Variants in ICA1 observed in about 807,000 individuals in gnomAD.
ICA1 encodes islet cell autoantigen 1, also known as 69 kDa islet cell autoantigen.
Under a neutral mutation model 71.0 loss-of-function variants are expected in ICA1, and 40 were observed. The ratio of observed to expected loss-of-function variants is 0.56; its 90% CI spans 0.44 to 0.73. The LOEUF is 0.73. Ranked by LOEUF, ICA1 falls within the 30% of genes least tolerant of loss-of-function variation. The pLI is 0.00. For missense variants in ICA1, 578 were observed against 576.5 expected (o/e 1.00, Z -0.03); for synonymous variants, 207 against 209.5 (o/e 0.99, Z 0.10).
At chr7:8,135,130 G>A (rs993844767) in intron 12 of ICA1, among the ~76,000 whole-genome samples, 3 of 152,038 alleles carry the variant, frequency 2.0e-5, no homozygotes, top group African/African-American at 4.8e-5. Flanking sequence ...GGGTTCAAGC[G>A]ATTCTTCTGC....
At chr7:8,214,619 G>A (rs964782453) in intron 6 of ICA1, among the ~76,000 whole-genome samples, 1 of 152,174 alleles carries the variant, frequency 6.6e-6, no homozygotes, top group Non-Finnish European at 1.5e-5. Flanking sequence ...CTGGACTCAC[G>A]CTTTCCCACC....
chr7:8,256,839 TA>T (rs1184199239), intron 1 of ICA1, among the ~76,000 whole-genome samples: 4 of 152,230 alleles, frequency 2.6e-5, no homozygotes, highest in Non-Finnish European at 2.9e-5. Flanking sequence ...CAAGGGGCAA[TA>T]ATTATGTTCT....
At position 8,223,541 on chromosome 7, in the gene ICA1, C is replaced by T. The variant is rs554338103; in HGVS notation, c.257-2143G>A. 6.5e-6 allele frequency: 1 copy of T among 154,642 alleles called. No homozygotes were observed. The highest frequency in any genetic ancestry group is 1.5e-5 in the Non-Finnish European group (1 of 68,038). The allele number at this position is 154,642 out of a possible 1,614,324, so 9.6% of individuals were successfully genotyped here. On this transcript the variant is annotated intron_variant, in intron 4 of 13. Transcript: ENST00000402384. This position sits in a 1 kb window ranked among gnomAD's most constrained non-coding sequence, Gnocchi z 4.1. ...TCCATCAGGGTCAAGGTTAGATTTTCTGAGAAGGGATGGTCATTCTTTAAT... is the reference window on the plus strand; with the variant it reads ...TCCATCAGGGTCAAGGTTAGATTTTTTGAGAAGGGATGGTCATTCTTTAAT...
chr7:8,208,942 G>A (rs1050159316), intron 6 of ICA1, among the ~76,000 whole-genome samples: 7 of 152,128 alleles, frequency 4.6e-5, no homozygotes, highest in South Asian at 2.1e-4. Flanking sequence ...CTCAATTTAC[G>A]GCAGTATTTT....
intron 6 of ICA1, among the ~76,000 whole-genome samples, chr7:8,164,308 A>T (rs1222803860): frequency 8.7e-6 from 1 of 115,516 alleles, no homozygotes; most frequent in African/African-American, 2.8e-5. Flanking sequence ...CGTCTCAAAA[A>T]AAAAAAAAAA....
chr7:8,114,614 TC>T (rs1228283022), intron 13 of ICA1, among the ~76,000 whole-genome samples: 1 of 152,180 alleles, frequency 6.6e-6, no homozygotes, highest in Non-Finnish European at 1.5e-5. Context: ...CCTTCCCTTC[TC>T]CCAGGGGGTC....
chr7:8,198,458 T>C (rs1788441776), intron 6 of ICA1, among the ~76,000 whole-genome samples: 1 of 152,198 alleles, frequency 6.6e-6, no homozygotes, highest in Admixed American at 6.5e-5. Context: ...GTTGAGGAGC[T>C]TGAACTCAAT....
chr7:8,209,824 G>A (rs1351533590), intron 6 of ICA1, among the ~76,000 whole-genome samples: 1 of 152,176 alleles, frequency 6.6e-6, no homozygotes, highest in Admixed American at 6.5e-5. Context: ...TCTGGTGGGA[G>A]AAACAGAGCC....
In ICA1 at chr7:8,213,155, C is replaced by A; in HGVS notation, c.579+5150G>T. On this transcript the variant is annotated intron_variant, in intron 6 of 13. Coordinates refer to ENST00000402384, the MANE Select transcript of ICA1 (RefSeq NM_001136020.3). ...CAACAAAACCTACAAATGAAAATGG[C>A]GAGTTATGAAACAAATACATTTAAG... Among the ~76,000 whole-genome samples, 3 of 152,180 alleles carry A rather than the reference C, an allele frequency of 2.0e-5. No individual in the cohort carries two copies. The Middle Eastern group carries it at 0.01, about 518-fold the overall frequency.
At chr7:8,114,263 C>G in intron 13 of ICA1, 2 of 553,470 alleles carry the variant, frequency 3.6e-6, no homozygotes, top group Non-Finnish European at 6.5e-6. Flanking sequence ...GAATAACAAG[C>G]TCTTGTGTTA....
rs117977058 is a variant in ICA1 at position 8,260,055 on chromosome 7, C to A, written c.-80+2039G>T. 2.3e-4 allele frequency among the ~76,000 whole-genome samples: 35 copies of A among 152,260 alleles called. No homozygotes were observed. The East Asian group carries it at 5.4e-3, about 24-fold the overall frequency. ...ATAAACACTGCCACCTACCCTCAGG[C>A]TCAACCAACGAAGAGGAAAAATTCA... On this transcript the variant is annotated intron_variant, in intron 1 of 13. Transcript: ENST00000402384.
rs1797563462 is a variant in ICA1, at chr7:8,222,906, G to A, written c.257-1508C>T. Among the ~76,000 whole-genome samples, 1 of 152,154 alleles carries A rather than the reference G, an allele frequency of 6.6e-6. No individual in the cohort carries two copies. On this transcript the variant is annotated intron_variant, in intron 4 of 13. Transcript: ENST00000402384. The surrounding 1 kb of genome is among the most constrained non-coding windows in gnomAD (Gnocchi z 4.8). ...GGGGCTCTAAGCTTTCCAAGACAGG[G>A]ATCTCACCCAAACTTTGTATTCCCC...
intron 6 of ICA1, among the ~76,000 whole-genome samples, chr7:8,175,156 G>A (rs369854861): frequency 1.2e-3 from 180 of 151,820 alleles, no homozygotes; most frequent in African/African-American, 4.3e-3. Context: ...GGCACAGAGT[G>A]GGCTGGCCAA....
intron 3 of ICA1, among the ~76,000 whole-genome samples, chr7:8,229,418 A>G (rs1304266352): frequency 6.6e-6 from 1 of 152,210 alleles, no homozygotes; most frequent in Non-Finnish European, 1.5e-5. Flanking sequence ...TAGCTCAAGA[A>G]AAGACAGAAC....
At chr7:8,165,837 T>C (rs1054114976) in intron 6 of ICA1, among the ~76,000 whole-genome samples, 1 of 152,106 alleles carries the variant, frequency 6.6e-6, no homozygotes, top group African/African-American at 2.4e-5. Context: ...ATTTCTACAG[T>C]GAGAATTACA....
chr7:8,241,232 C>T (rs1395242637), intron 1 of ICA1, among the ~76,000 whole-genome samples: 4 of 152,226 alleles, frequency 2.6e-5, no homozygotes, highest in African/African-American at 9.6e-5. Context: ...AGAAACTCTA[C>T]AAGCCAGAAG....
At chr7:8,135,313 C>T (rs1358247879) in intron 12 of ICA1, among the ~76,000 whole-genome samples, 1 of 152,014 alleles carries the variant, frequency 6.6e-6, no homozygotes, top group Non-Finnish European at 1.5e-5. Flanking sequence ...AAGTGTGAGC[C>T]ACCGCGCCCG....
chr7:8,155,861 A>G (rs527717580), intron 8 of ICA1, among the ~76,000 whole-genome samples: 1 of 152,332 alleles, frequency 6.6e-6, no homozygotes, highest in East Asian at 1.9e-4. Context: ...TAACATTGCC[A>G]GTGTGAAGGG....
At chr7:8,154,787 G>A (rs1199074035) in intron 8 of ICA1, among the ~76,000 whole-genome samples, 2 of 152,110 alleles carry the variant, frequency 1.3e-5, no homozygotes, top group African/African-American at 2.4e-5. Flanking sequence ...CAATATCCTT[G>A]TATTTTACTG....
Sources: gnomAD v4.1 joint callset for allele counts (sites outside exome capture counted in the v4.1 genomes callset) on GRCh38, gnomAD v4.1.1 for gene constraint, Gnocchi (gnomAD v3.1) non-coding constraint, MANE v1.5 for transcripts, NCBI Gene and HGNC (gene_info 2026-07-23, HGNC 2026-07-21) for gene names.